SLA: variants seen among roughly 807,000 people sequenced by gnomAD.
SLA encodes the protein src-like-adapter.
SLA carries 16 observed loss-of-function variants against 30.3 expected under a neutral mutation model. The observed-to-expected ratio is 0.53, with a 90% CI of 0.36 to 0.80. The LOEUF (loss-of-function observed/expected upper bound fraction) is 0.80. SLA is among the 30% of genes least tolerant of loss of function. The pLI, the probability that SLA is intolerant of heterozygous loss-of-function variation, is 0.01. For missense variants in SLA, 310 were observed against 345.2 expected, an observed-to-expected ratio of 0.90 and a Z score of 0.81; for synonymous variants, 143 against 137.8, an observed-to-expected ratio of 1.04 and a Z score of -0.26.
intron 2 of SLA, among the ~76,000 whole-genome samples, chr8:133,067,805 AAAGAAAGG>A (rs1297107309): frequency 5.4e-5 from 8 of 148,404 alleles, no homozygotes; most frequent in African/African-American, 1.2e-4. Flanking sequence ...AGAAAGAAAG[AAAGAAAGG>A]AAGGAAGGAA....
chr8:133,084,756 C>A (rs190458607), intron 1 of SLA, among the ~76,000 whole-genome samples: 10 of 152,370 alleles, frequency 6.6e-5, no homozygotes, highest in East Asian at 3.9e-4. Context: ...AGCGCTCCCC[C>A]ACAGGGGCCT....
At chr8:133,079,830 G>A (rs1845475903) in intron 1 of SLA, among the ~76,000 whole-genome samples, 1 of 151,934 alleles carries the variant, frequency 6.6e-6, no homozygotes, top group Non-Finnish European at 1.5e-5. Flanking sequence ...TGAATGCAAG[G>A]CATGACACTT....
chr8:133,055,817 C>T (rs1211505416), intron 3 of SLA, among the ~76,000 whole-genome samples: 1 of 147,484 alleles, frequency 6.8e-6, no homozygotes, highest in Non-Finnish European at 1.5e-5. Context: ...CCTCCCCCTC[C>T]TCATCACCAG....
At chr8:133,099,693 C>G (rs1387026301) in intron 1 of SLA, among the ~76,000 whole-genome samples, 1 of 152,186 alleles carries the variant, frequency 6.6e-6, no homozygotes, top group African/African-American at 2.4e-5. Context: ...AGCAACTAAA[C>G]AACTCATCCT....
intron 2 of SLA, among the ~76,000 whole-genome samples, chr8:133,066,370 A>G (rs1386347044): frequency 1.3e-5 from 2 of 152,048 alleles, no homozygotes; most frequent in East Asian, 3.9e-4. Flanking sequence ...GAACAAAACA[A>G]AAGAAAAGAA....
intron 1 of SLA, among the ~76,000 whole-genome samples, chr8:133,078,417 T>A (rs1845229226): frequency 6.6e-6 from 1 of 152,204 alleles, no homozygotes; most frequent in African/African-American, 2.4e-5. Flanking sequence ...CGCTTCCATG[T>A]CTTCCCTGCT....
chr8:133,075,255 G>T, intron 1 of SLA, 125 bp from the exon 2 acceptor site: 2 of 414,706 alleles, frequency 4.8e-6, no homozygotes, highest in Non-Finnish European at 6.5e-6. Context: ...AATCAATGGG[G>T]CTGTGAATTT....
intron 1 of SLA, chr8:133,076,097 C>T (rs1375948095): frequency 6.6e-6 from 1 of 152,212 alleles, no homozygotes; most frequent in Non-Finnish European, 1.5e-5. Flanking sequence ...ATGCTGACCC[C>T]AAGATTGCCT....
chr8:133,050,759 C>A (rs1337402750), intron 4 of SLA, 57 bp downstream of exon 4: 5 of 1,162,648 alleles, frequency 4.3e-6, no homozygotes, highest in Non-Finnish European at 5.2e-6. Flanking sequence ...ATACTTTTCT[C>A]CCAAACCAAG....
rs16904809 is a variant in SLA at position 133,045,822 on chromosome 8, G to A, written c.353-707C>T. Among the ~76,000 whole-genome samples, 1,479 of 151,186 alleles carry A rather than the reference G, an allele frequency of 9.8e-3. 31 individuals carry two copies. Among genetic ancestry groups the A allele is most frequent in the African/African-American group, 0.034 (1,411 of 41,274 alleles). Reference sequence around the variant, plus strand: ...CATGGTCGTTTTTGGACTCCTTCCCGAGTACTCTCCAAGATGTGATCCCTA... The same window carrying A: ...CATGGTCGTTTTTGGACTCCTTCCCAAGTACTCTCCAAGATGTGATCCCTA... On this transcript the variant is annotated intron_variant, in intron 6 of 8. Coordinates refer to ENST00000338087, the MANE Select transcript of SLA (RefSeq NM_001045556.3).
intron 7 of SLA, 90 bp downstream of exon 7, chr8:133,044,894 C>T (rs899920677): frequency 2.3e-6 from 3 of 1,310,576 alleles, no homozygotes; most frequent in African/African-American, 2.9e-5. Context: ...GTAAGCAAGA[C>T]CCCTCTGCAT....
chr8:133,099,462 C>A (rs1239173010), intron 1 of SLA, among the ~76,000 whole-genome samples: 1 of 152,200 alleles, frequency 6.6e-6, no homozygotes, highest in African/African-American at 2.4e-5. Context: ...CCACTGCATG[C>A]AATCATCTCC....
chr8:133,087,700 C>A (rs905127323), intron 1 of SLA: 1 of 152,192 alleles, frequency 6.6e-6, no homozygotes, highest in African/African-American at 2.4e-5. Context: ...CAATAGAACT[C>A]CTCCATCATT....
intron 1 of SLA, among the ~76,000 whole-genome samples, chr8:133,100,803 C>T (rs1849125179): frequency 1.3e-5 from 2 of 152,162 alleles, no homozygotes; most frequent in African/African-American, 4.8e-5. Context: ...ATTCTACCCA[C>T]ATTCTTTTTT....
chr8:133,101,549 T>C (rs554747147), intron 1 of SLA, among the ~76,000 whole-genome samples: 29 of 151,852 alleles, frequency 1.9e-4, no homozygotes, highest in South Asian at 1.3e-3. Flanking sequence ...CTGCCCCATC[T>C]GGGGCTGAGA....
chr8:133,063,321 A>G (rs578061388), intron 2 of SLA, among the ~76,000 whole-genome samples: 1 of 148,312 alleles, frequency 6.7e-6, no homozygotes, highest in Non-Finnish European at 1.5e-5. Context: ...GCTTCTAAGC[A>G]GCAGGCTCCC....
In SLA at chr8:133,038,372, G is replaced by A. The variant is rs1837469274; in HGVS notation, c.*152C>T. On this transcript the variant is annotated 3_prime_UTR_variant, in exon 9 of 9. Transcript: ENST00000338087. The stretch of plus-strand genomic sequence containing the variant: ...TTCCTTTGGTCATGATGTGGATAGA[G>A]AAGATGCGAATTTGAGTCTCCATGT... 1.5e-6 allele frequency: 1 copy of A among 651,056 alleles called. No homozygotes were observed. Among genetic ancestry groups the A allele is most frequent in the Non-Finnish European group, 2.7e-6 (1 of 365,070 alleles). The allele number at this position is 651,056 out of a possible 1,614,324, so 40.3% of individuals were successfully genotyped here. A position where few individuals can be genotyped will look rare whatever the true frequency, so the allele number is the denominator to read the frequency against.
At chr8:133,082,142 T>A (rs1845843798) in intron 1 of SLA, among the ~76,000 whole-genome samples, 1 of 152,126 alleles carries the variant, frequency 6.6e-6, no homozygotes, top group South Asian at 2.1e-4. Context: ...GTGCTGGTGT[T>A]GGTGGTGTTG....
chr8:133,053,344 T>C (rs759619828), intron 3 of SLA, among the ~76,000 whole-genome samples: 2 of 152,230 alleles, frequency 1.3e-5, no homozygotes, highest in African/African-American at 2.4e-5. Context: ...TGGTGTCTTC[T>C]GTGTCTGTAG....
Sources: gnomAD v4.1 joint callset for allele counts (sites outside exome capture counted in the v4.1 genomes callset) on GRCh38, gnomAD v4.1.1 for gene constraint, MANE v1.5 for transcripts, NCBI Gene and HGNC (gene_info 2026-07-23, HGNC 2026-07-21) for gene names.